The following PCNX2 variants were observed in gnomAD, a reference collection of about 807,000 sequenced individuals.
PCNX2 encodes pecanex-like protein 2.
In PCNX2, 168 loss-of-function variants were observed where a neutral mutation model predicts 223.8. The ratio of observed to expected loss-of-function variants is 0.75; its 90% CI spans 0.66 to 0.85. PCNX2 has a LOEUF of 0.85. PCNX2 is among the 40% of genes least tolerant of loss of function. The probability of loss-of-function intolerance (pLI) is 0.00; values close to 1 mark genes in which losing one functional copy is unlikely to be tolerated. For missense variants in PCNX2, 2,507 were observed against 2,675.5 expected (o/e 0.94, Z 1.39); for synonymous variants, 1,006 against 1,052.6 (o/e 0.96, Z 0.86).
intron 1 of PCNX2, among the ~76,000 whole-genome samples, chr1:233,281,356 G>C (rs192619932): frequency 1.7e-3 from 256 of 152,308 alleles, no homozygotes; most frequent in Non-Finnish European, 3.0e-3. Flanking sequence ...CATTTCTTCT[G>C]AGATGGTAAA....
chr1:233,218,193 A>C lies in PCNX2; in HGVS notation c.2505-9T>G. The C allele has an allele frequency of 1.4e-6, 2 of 1,386,618 alleles. No individual in the cohort carries two copies. The highest frequency in any genetic ancestry group is 1.9e-6 in the Non-Finnish European group (2 of 1,031,732). The allele number at this position is 1,386,618 out of a possible 1,614,324, so 85.9% of individuals were successfully genotyped here. The stretch of plus-strand genomic sequence containing the variant: ...CCTTGATGTCTTCAGTTCTGTGCAA[A>C]ATATATACATAAAAGCAAAAAAAAA... On this transcript the variant is annotated splice_polypyrimidine_tract_variant and intron_variant, in intron 10 of 33. Coordinates refer to ENST00000258229, the MANE Select transcript of PCNX2 (RefSeq NM_014801.4).
At chr1:233,078,122 C>G (rs1383918629) in intron 23 of PCNX2, among the ~76,000 whole-genome samples, 1 of 152,204 alleles carries the variant, frequency 6.6e-6, no homozygotes, top group Non-Finnish European at 1.5e-5. Flanking sequence ...CAAGATTAAA[C>G]AAGCACATGG....
intron 28 of PCNX2, among the ~76,000 whole-genome samples, chr1:233,013,913 A>G (rs1489232883): frequency 6.6e-6 from 1 of 152,204 alleles, no homozygotes; most frequent in African/African-American, 2.4e-5. Flanking sequence ...ACCACTCATC[A>G]AGGTGATTCC....
chr1:233,192,250 G>A (rs1330978119), intron 15 of PCNX2, among the ~76,000 whole-genome samples: 1 of 152,160 alleles, frequency 6.6e-6, no homozygotes, highest in Non-Finnish European at 1.5e-5. Flanking sequence ...AAAAATGATA[G>A]GACATGATGA....
At chr1:233,232,544 T>C (rs905012656) in intron 9 of PCNX2, among the ~76,000 whole-genome samples, 8 of 152,294 alleles carry the variant, frequency 5.3e-5, no homozygotes, top group African/African-American at 1.9e-4. Context: ...AAGATGCAAA[T>C]GTTACTTTTT....
intron 23 of PCNX2, among the ~76,000 whole-genome samples, chr1:233,073,954 A>C (rs989784961): frequency 2.0e-5 from 3 of 152,120 alleles, no homozygotes; most frequent in African/African-American, 7.2e-5. Flanking sequence ...TACAGCTATG[A>C]ATTTTCCTCT....
intron 15 of PCNX2, among the ~76,000 whole-genome samples, chr1:233,195,637 A>G (rs1680683750): frequency 6.6e-6 from 1 of 152,260 alleles, no homozygotes; most frequent in South Asian, 2.1e-4. Context: ...TTACAAAATA[A>G]ATTGTATTTA....
chr1:233,284,921 G>A, intron 1 of PCNX2: 1 of 966,870 alleles, frequency 1.0e-6, no homozygotes, highest in African/African-American at 1.8e-5. Context: ...TCATGGGGGG[G>A]ATGATAGCAA....
At chr1:233,215,506 G>C (rs10489804) in intron 12 of PCNX2, among the ~76,000 whole-genome samples, 10,988 of 152,274 alleles carry the variant, frequency 0.072, 1,256 homozygotes, top group African/African-American at 0.24. Context: ...ACCTAGAGCA[G>C]TGGCATACGG....
rs201912536 is a variant in PCNX2, at chr1:233,121,626, T to TGA, written c.3837+13385_3837+13386dup. Among the ~76,000 whole-genome samples, 606 of 152,222 alleles carry TGA rather than the reference T, an allele frequency of 4.0e-3. 16 individuals are homozygous for TGA. The highest frequency in any genetic ancestry group is 0.032 in the Admixed American group (490 of 15,280). The stretch of plus-strand genomic sequence containing the variant: ...CCAGTCCCCCACAGATACTAACGGG[T>TGA]GACTGTACATGCGAATTGGAATTGA... On this transcript the variant is annotated intron_variant, in intron 21 of 33. Transcript: ENST00000258229.
intron 8 of PCNX2, among the ~76,000 whole-genome samples, chr1:233,243,891 A>G: frequency 6.6e-6 from 1 of 151,698 alleles, no homozygotes; most frequent in East Asian, 1.9e-4. Flanking sequence ...GAGTGCAGTG[A>G]CGTGATCTCG....
At chr1:233,005,928 G>A (rs1329117589) in intron 28 of PCNX2, among the ~76,000 whole-genome samples, 2 of 152,076 alleles carry the variant, frequency 1.3e-5, no homozygotes, top group African/African-American at 2.4e-5. Flanking sequence ...GCCCCCACTC[G>A]CACGCCTGTG....
rs573445809 is a variant in PCNX2 at position 233,027,279 on chromosome 1, G to C, written c.4352-1880C>G. ...GCAAGACGGGTTGTGGTGGAATGGT[G>C]GGGGAGGGGTAGTCTCATGAGCGTG... On this transcript the variant is annotated intron_variant, in intron 25 of 33. Coordinates refer to ENST00000258229, the MANE Select transcript of PCNX2 (RefSeq NM_014801.4). Among the ~76,000 whole-genome samples, 10 of 152,288 alleles carry C rather than the reference G, an allele frequency of 6.6e-5. No individual in the cohort carries two copies. The South Asian group carries it at 1.7e-3, about 25-fold the overall frequency.
chr1:233,055,572 T>C (rs114828621), intron 24 of PCNX2, among the ~76,000 whole-genome samples: 168 of 152,314 alleles, frequency 1.1e-3, no homozygotes, highest in African/African-American at 3.8e-3. Context: ...ATGGGAAGTC[T>C]TCCTGGTCTG....
chr1:233,252,175 G>A (rs1046271052), intron 7 of PCNX2, among the ~76,000 whole-genome samples, 179 bp downstream of exon 7: 5 of 152,224 alleles, frequency 3.3e-5, no homozygotes, highest in Admixed American at 6.5e-5. Context: ...GGCACAGCAC[G>A]TGTAAAGGCC....
intron 21 of PCNX2, among the ~76,000 whole-genome samples, chr1:233,113,894 T>A (rs1675260482): frequency 6.6e-6 from 1 of 152,240 alleles, no homozygotes; most frequent in Non-Finnish European, 1.5e-5. Flanking sequence ...TGTAAGTGAC[T>A]TAGGATATGC....
intron 25 of PCNX2, among the ~76,000 whole-genome samples, chr1:233,036,520 T>C (rs6424269): frequency 0.36 from 55,027 of 151,434 alleles, 13,411 homozygotes; most frequent in African/African-American, 0.7. Flanking sequence ...GTCCCAGCTA[T>C]TTGGGAGGCT....
intron 25 of PCNX2, chr1:233,031,647 G>C: frequency 1.7e-6 from 1 of 598,974 alleles, no homozygotes; most frequent in Non-Finnish European, 2.1e-6. Flanking sequence ...TATGAAATAG[G>C]AGTCCAGGTC....
intron 28 of PCNX2, among the ~76,000 whole-genome samples, chr1:233,011,532 A>ATCTGAG (rs2102812545): frequency 6.6e-6 from 1 of 152,322 alleles, no homozygotes; most frequent in East Asian, 1.9e-4. Flanking sequence ...GCCAAGAAGA[A>ATCTGAG]TCTGAGCAGA....
Sources: gnomAD v4.1 joint callset for allele counts (sites outside exome capture counted in the v4.1 genomes callset) on GRCh38, gnomAD v4.1.1 for gene constraint, MANE v1.5 for transcripts, NCBI Gene and HGNC (gene_info 2026-07-23, HGNC 2026-07-21) for gene names.